Variants in TENM4 observed in about 807,000 individuals in gnomAD.
TENM4 encodes the protein teneurin-4.
Under a neutral mutation model 243.3 loss-of-function variants are expected in TENM4, and 82 were observed. That is an observed-to-expected ratio of 0.34 (90% CI 0.28 to 0.40). The LOEUF (loss-of-function observed/expected upper bound fraction) is 0.40, where lower values mean the gene tolerates loss of function less well. Among genes scored for constraint, TENM4 ranks in the 10% least tolerant of loss-of-function variants. The pLI, the probability that TENM4 is intolerant of heterozygous loss-of-function variation, is 1.00. For missense variants in TENM4, 3,138 were observed against 3,673.3 expected, an observed-to-expected ratio of 0.85 and a Z score of 3.77; for synonymous variants, 1,412 against 1,456.3, an observed-to-expected ratio of 0.97 and a Z score of 0.69.
intron 15 of TENM4, among the ~76,000 whole-genome samples, chr11:78,792,452 G>A (rs1039969052): frequency 6.6e-6 from 1 of 152,122 alleles, no homozygotes; most frequent in Non-Finnish European, 1.5e-5. Flanking sequence ...GAACTGTACA[G>A]GCCCTTGGAG....
At chr11:79,372,854 G>A (rs1301231707) in intron 1 of TENM4, among the ~76,000 whole-genome samples, 1 of 152,148 alleles carries the variant, frequency 6.6e-6, no homozygotes, top group Non-Finnish European at 1.5e-5. Flanking sequence ...GCAAGCCTTG[G>A]CATTGTGGAT....
chr11:79,275,562 T>C (rs1856041559), intron 2 of TENM4, among the ~76,000 whole-genome samples: 1 of 152,200 alleles, frequency 6.6e-6, no homozygotes, highest in Non-Finnish European at 1.5e-5. Flanking sequence ...CTCATTTTCC[T>C]GCTAGCCTTG....
chr11:78,800,870 T>C (rs1857268256), intron 15 of TENM4, among the ~76,000 whole-genome samples: 2 of 151,796 alleles, frequency 1.3e-5, no homozygotes, highest in African/African-American at 4.8e-5. Context: ...GGGTGAGGGT[T>C]GGGGGAGAAA....
intron 4 of TENM4, among the ~76,000 whole-genome samples, chr11:79,140,080 C>T (rs1028716113): frequency 6.6e-6 from 1 of 151,686 alleles, no homozygotes; most frequent in Non-Finnish European, 1.5e-5. Flanking sequence ...TTCACATCTG[C>T]CCCTGCCAAT....
chr11:79,194,712 G>A (rs750929871), intron 3 of TENM4, among the ~76,000 whole-genome samples: 23 of 152,160 alleles, frequency 1.5e-4, no homozygotes, highest in Non-Finnish European at 3.1e-4. Flanking sequence ...AAGGCATTCA[G>A]TTTTATAAGG....
intron 1 of TENM4, among the ~76,000 whole-genome samples, chr11:79,324,855 T>A (rs1185691027): frequency 6.6e-6 from 1 of 151,998 alleles, no homozygotes; most frequent in Non-Finnish European, 1.5e-5. Flanking sequence ...AAAGGGAGTT[T>A]CCAGAACCAA....
At chr11:78,704,102 T>G (rs1859178684) in intron 27 of TENM4, among the ~76,000 whole-genome samples, 1 of 146,410 alleles carries the variant, frequency 6.8e-6, no homozygotes, top group South Asian at 2.1e-4. Context: ...TACATATGTA[T>G]GTGTGTGTGT....
chr11:79,047,650 T>C (rs1859691275), intron 6 of TENM4, among the ~76,000 whole-genome samples: 1 of 152,030 alleles, frequency 6.6e-6, no homozygotes, highest in African/African-American at 2.4e-5. Flanking sequence ...GCAGCACTTC[T>C]CCTTCAGTGC....
intron 6 of TENM4, among the ~76,000 whole-genome samples, chr11:78,933,035 T>C (rs983867309): frequency 6.6e-6 from 1 of 152,170 alleles, no homozygotes; most frequent in Non-Finnish European, 1.5e-5. Context: ...GAGATTGATG[T>C]ACCCTGGAGG....
At chr11:78,868,856 G>C (rs1479805881) in intron 9 of TENM4, among the ~76,000 whole-genome samples, 1 of 152,102 alleles carries the variant, frequency 6.6e-6, no homozygotes, top group East Asian at 1.9e-4. Context: ...GGTTTCAAAA[G>C]GCAGTGGGAA....
chr11:78,898,845 T>TTCA (rs1337335245), intron 7 of TENM4, among the ~76,000 whole-genome samples: 1 of 152,312 alleles, frequency 6.6e-6, no homozygotes, highest in East Asian at 1.9e-4. Flanking sequence ...TTCTCTGAAA[T>TTCA]GTCTTACCTG....
intron 6 of TENM4, among the ~76,000 whole-genome samples, chr11:78,913,168 G>C (rs1261830481): frequency 6.6e-6 from 1 of 152,180 alleles, no homozygotes; most frequent in Non-Finnish European, 1.5e-5. Flanking sequence ...CAAAAGGATG[G>C]AATGAAAGAA....
intron 1 of TENM4, among the ~76,000 whole-genome samples, chr11:79,356,755 G>T (rs1214246799): frequency 7.0e-6 from 1 of 143,580 alleles, no homozygotes; most frequent in Non-Finnish European, 1.6e-5. Context: ...TTATTGTATT[G>T]GGTAAAAAAA....
chr11:79,423,359 A>G (rs749444421), intron 1 of TENM4, among the ~76,000 whole-genome samples: 26 of 151,242 alleles, frequency 1.7e-4, no homozygotes, highest in Non-Finnish European at 3.5e-4. Flanking sequence ...TTCCTACGGC[A>G]AAGTTCCACT....
intron 9 of TENM4, among the ~76,000 whole-genome samples, chr11:78,876,719 G>A (rs1591091204): frequency 6.6e-6 from 1 of 152,156 alleles, no homozygotes; most frequent in Non-Finnish European, 1.5e-5. Context: ...AGGCAGTGAC[G>A]CTAGCTTATC....
intron 6 of TENM4, among the ~76,000 whole-genome samples, chr11:79,012,761 A>G (rs970901481): frequency 2.0e-5 from 3 of 152,140 alleles, no homozygotes; most frequent in Non-Finnish European, 4.4e-5. Flanking sequence ...CCCTCCAGAC[A>G]CTGACCTGGG....
intron 22 of TENM4, 56 bp from the exon 23 acceptor site, chr11:78,726,278 C>G: frequency 6.3e-7 from 1 of 1,575,874 alleles, no homozygotes; most frequent in Non-Finnish European, 8.6e-7. Flanking sequence ...ACTCTTTGGC[C>G]TTTAGACCTG....
Position 79,212,093 on chromosome 11 carries a change from G to T in TENM4, c.-163+3715C>A, listed in dbSNP as rs149264512. On this transcript the variant is annotated intron_variant, in intron 3 of 33. Transcript: ENST00000278550. ...AGACGACTCAGTCTCTCTGTGCCTT[G>T]GTAGCCATAACTCTAATGTGAACTT... Among the ~76,000 whole-genome samples, 692 of 152,296 alleles carry T rather than the reference G, an allele frequency of 4.5e-3. 5 individuals carry two copies. The highest frequency in any genetic ancestry group is 0.015 in the African/African-American group (626 of 41,552).
At chr11:79,090,257 C>G (rs1370549376) in intron 4 of TENM4, among the ~76,000 whole-genome samples, 1 of 152,222 alleles carries the variant, frequency 6.6e-6, no homozygotes, top group Non-Finnish European at 1.5e-5. Flanking sequence ...CAGGAGCAAT[C>G]AGGCTGATGT....
Sources: gnomAD v4.1 joint callset for allele counts (sites outside exome capture counted in the v4.1 genomes callset) on GRCh38, gnomAD v4.1.1 for gene constraint, MANE v1.5 for transcripts, NCBI Gene and HGNC (gene_info 2026-07-23, HGNC 2026-07-21) for gene names.